Variants in ANGPT4 observed in about 807,000 individuals in gnomAD.
ANGPT4 encodes angiopoietin 4, also known as angiopoietin-4.
ANGPT4 carries 50 observed loss-of-function variants against 53.0 expected under a neutral mutation model. The observed-to-expected ratio is 0.94, with a 90% confidence interval of 0.75 to 1.20. ANGPT4 has a LOEUF of 1.20. ANGPT4 is among the 50% of genes most tolerant of loss of function. The probability of loss-of-function intolerance (pLI) is 0.00; values close to 1 mark genes in which losing one functional copy is unlikely to be tolerated. For synonymous variants in ANGPT4, 251 were observed against 259.7 expected (o/e 0.97, Z 0.32); for missense variants, 648 against 637.1 (o/e 1.02, Z -0.18).
chr20:899,440 A>G (rs1982193187), intron 1 of ANGPT4, among the ~76,000 whole-genome samples: 1 of 151,644 alleles, frequency 6.6e-6, no homozygotes, highest in African/African-American at 2.4e-5. Context: ...TTTTTAGTAG[A>G]GACGGGGTTT....
At chr20:899,690 C>T (rs1297855923) in intron 1 of ANGPT4, among the ~76,000 whole-genome samples, 1 of 152,200 alleles carries the variant, frequency 6.6e-6, no homozygotes, top group Non-Finnish European at 1.5e-5. Flanking sequence ...ATTGTCTTGC[C>T]TATCCACCCT....
chr20:876,903 T>C (rs527339504), intron 7 of ANGPT4, among the ~76,000 whole-genome samples: 1 of 152,182 alleles, frequency 6.6e-6, no homozygotes, highest in Admixed American at 6.5e-5. Context: ...AAAAATCAGC[T>C]GGGCATGGTA....
intron 1 of ANGPT4, among the ~76,000 whole-genome samples, chr20:897,393 C>G (rs1982099152): frequency 6.6e-6 from 1 of 152,094 alleles, no homozygotes; most frequent in Admixed American, 6.5e-5. Context: ...TTTTCACTCT[C>G]TTCTTCAGCC....
At chr20:912,213 T>G (rs935700615) in intron 1 of ANGPT4, among the ~76,000 whole-genome samples, 4 of 152,276 alleles carry the variant, frequency 2.6e-5, no homozygotes, top group Non-Finnish European at 5.9e-5. Flanking sequence ...ACTGGGGGAA[T>G]GGCAGTCACA....
intron 4 of ANGPT4, among the ~76,000 whole-genome samples, chr20:883,219 A>G (rs993343131): frequency 6.6e-6 from 1 of 152,254 alleles, no homozygotes; most frequent in Non-Finnish European, 1.5e-5. Context: ...ATCTGACTGC[A>G]AAGCCAGTGC....
intron 4 of ANGPT4, among the ~76,000 whole-genome samples, chr20:883,963 T>A (rs143269008): frequency 1.1e-4 from 16 of 152,328 alleles, no homozygotes; most frequent in African/African-American, 3.6e-4. Context: ...CAGACTGAGA[T>A]GGAGCCAGGG....
intron 2 of ANGPT4, among the ~76,000 whole-genome samples, chr20:888,902 G>A (rs113047140): frequency 2.6e-5 from 4 of 152,270 alleles, no homozygotes; most frequent in East Asian, 3.9e-4. Context: ...CTCATGTAGC[G>A]GAAATGCCCC....
At chr20:895,849 T>C (rs1461239993) in intron 1 of ANGPT4, among the ~76,000 whole-genome samples, 1 of 151,338 alleles carries the variant, frequency 6.6e-6, no homozygotes, top group Non-Finnish European at 1.5e-5. Flanking sequence ...TGTATGACTC[T>C]CTAAAAATGT....
rs1981391830 is a variant in ANGPT4 at position 881,222 on chromosome 20, A to G, written c.900T>C (p.Ser300=). 6.2e-7 allele frequency: 1 copy of G among 1,612,950 alleles called. No homozygotes were observed. Among genetic ancestry groups the G allele is most frequent in the African/African-American group, 1.3e-5 (1 of 74,906 alleles). The stretch of plus-strand genomic sequence containing the variant: ...CCTGGATGGTGTAGACACCACTGGC[A>G]CTGGCCCCAGAGCGCTGGATCTCTG... The part of the protein sequence containing the change: ...DCAEIQRSGA[S]ASGVYTIQVS... Residue 300 remains serine, a synonymous_variant, in exon 5 of 9, where the codon AGT becomes AGC. Transcript: ENST00000381922.
intron 7 of ANGPT4, among the ~76,000 whole-genome samples, chr20:875,696 C>G (rs1338878105): frequency 6.6e-6 from 1 of 152,166 alleles, no homozygotes; most frequent in Non-Finnish European, 1.5e-5. Flanking sequence ...GGTGAGTGCT[C>G]AACATTCAGT....
chr20:907,356 G>A (rs954871807), intron 1 of ANGPT4, among the ~76,000 whole-genome samples: 1 of 152,112 alleles, frequency 6.6e-6, no homozygotes, highest in Non-Finnish European at 1.5e-5. Context: ...AGAGGGAGGG[G>A]AGCAGGGCCT....
rs572518163 is a variant in ANGPT4, at chr20:895,198, G to T, written c.310-4830C>A. On this transcript the variant is annotated intron_variant, in intron 1 of 8. Transcript: ENST00000381922. ...GGGATCTACTTCTCTTGTTTTTTTG[G>T]ATCTACTTCTCTCTATGCCGTGCAC... Among the ~76,000 whole-genome samples the T allele has an allele frequency of 3.3e-5, 5 of 152,194 alleles. No homozygotes were observed. The East Asian group carries it at 9.6e-4, about 29-fold the overall frequency.
At position 899,633 on chromosome 20, in the gene ANGPT4, C is replaced by T. The variant is rs567854753; in HGVS notation, c.310-9265G>A. Among the ~76,000 whole-genome samples the T allele has an allele frequency of 2.1e-4, 32 of 152,210 alleles. No homozygotes were observed. In the South Asian group the frequency reaches 4.8e-3, roughly 23 times the overall value. On this transcript the variant is annotated intron_variant, in intron 1 of 8. Transcript: ENST00000381922. ...CTTATTAGGCCAAGACATTTTAACC[C>T]GGACAAGTCTTACAGGCTGGTCCAA...
At chr20:904,745 G>A (rs1376482301) in intron 1 of ANGPT4, among the ~76,000 whole-genome samples, 1 of 152,130 alleles carries the variant, frequency 6.6e-6, no homozygotes, top group Non-Finnish European at 1.5e-5. Flanking sequence ...TCCCACCTCA[G>A]CCTCCCAAGT....
rs749934902 is a variant in ANGPT4 at position 915,921 on chromosome 20, C to T, written c.294G>A (p.Thr98=). 27 of 1,579,124 alleles carry T rather than the reference C, an allele frequency of 1.7e-5. 1 individual carries two copies. The highest frequency in any genetic ancestry group is 1.5e-4 in the South Asian group (13 of 86,190). ...TGCCCCGTACCTTCTTCAGCCACTG[C>T]GTGTTGTTCTGCAGTGCCTGCTCCA... ...KQLEQALQNN[T]QWLKKLERAI... The change falls in exon 1 of 9, where the codon ACG becomes ACA. Residue 98 remains threonine, a synonymous_variant. Coordinates refer to ENST00000381922, the MANE Select transcript of ANGPT4 (RefSeq NM_015985.4).
chr20:878,091 G>A (rs1981239290), intron 7 of ANGPT4, 70 bp downstream of exon 7: 6 of 1,506,916 alleles, frequency 4.0e-6, no homozygotes, highest in Non-Finnish European at 3.6e-6. Context: ...GTAGACACTA[G>A]CCTGGGGACC....
chr20:885,016 G>T (rs1981554528), intron 4 of ANGPT4, 62 bp downstream of exon 4: 2 of 1,595,934 alleles, frequency 1.3e-6, no homozygotes, highest in African/African-American at 1.4e-5. Context: ...AGGGTGAGCA[G>T]GGTCTCCCCT....
intron 1 of ANGPT4, among the ~76,000 whole-genome samples, chr20:907,481 G>A (rs1266769709): frequency 1.3e-5 from 2 of 152,180 alleles, no homozygotes; most frequent in East Asian, 1.9e-4. Context: ...GTTTGCGATC[G>A]CTCACCTCCC....
intron 1 of ANGPT4, among the ~76,000 whole-genome samples, chr20:913,670 G>A (rs549974134): frequency 1.3e-5 from 2 of 152,378 alleles, no homozygotes; most frequent in African/African-American, 4.8e-5. Flanking sequence ...AAAGATGGAT[G>A]AGAGTGAGAG....
Sources: gnomAD v4.1 joint callset for allele counts (sites outside exome capture counted in the v4.1 genomes callset) on GRCh38, gnomAD v4.1.1 for gene constraint, MANE v1.5 for transcripts, NCBI Gene and HGNC (gene_info 2026-07-23, HGNC 2026-07-21) for gene names.